The following ADK variants were observed in gnomAD, a reference collection of about 807,000 sequenced individuals.
ADK encodes the protein N6,N6-dimethyladenosine kinase.
Under a neutral mutation model 44.7 loss-of-function variants are expected in ADK, and 24 were observed. The observed-to-expected ratio is 0.54, with a 90% CI of 0.39 to 0.76. ADK has a LOEUF of 0.76. Among genes scored for constraint, ADK ranks in the 30% least tolerant of loss-of-function variants. The probability of loss-of-function intolerance (pLI) is 0.00; values close to 1 mark genes in which losing one functional copy is unlikely to be tolerated. For missense variants in ADK, 321 were observed against 425.1 expected, an observed-to-expected ratio of 0.76 and a Z score of 2.15; for synonymous variants, 128 against 142.6, an observed-to-expected ratio of 0.90 and a Z score of 0.73.
At chr10:74,595,706 G>GAA (rs1851895363) in intron 8 of ADK, among the ~76,000 whole-genome samples, 3 of 118 alleles carry the variant, frequency 0.025, no homozygotes, top group Non-Finnish European at 0.042. Context: ...AAAAAAATAG[G>GAA]CTATATGGCC....
intron 10 of ADK, among the ~76,000 whole-genome samples, chr10:74,690,223 G>C (rs952577893): frequency 6.6e-6 from 1 of 152,158 alleles, no homozygotes; most frequent in African/African-American, 2.4e-5. Flanking sequence ...GGCTGGGTGT[G>C]GTGGCTCACA....
Position 74,682,788 on chromosome 10 carries a change from G to C in ADK, c.964+12519G>C, listed in dbSNP as rs558565925. ...AGGGTTTCATCATATTGGCCAGAATGGTCTCTAACTCCTGACCTCAGATGA... is the reference window on the plus strand; with the variant it reads ...AGGGTTTCATCATATTGGCCAGAATCGTCTCTAACTCCTGACCTCAGATGA... On this transcript the variant is annotated intron_variant, in intron 10 of 10. Coordinates refer to ENST00000539909, the MANE Select transcript of ADK (RefSeq NM_006721.4). 1.1e-3 allele frequency among the ~76,000 whole-genome samples: 162 copies of C among 152,000 alleles called. 3 individuals are homozygous for C. The highest frequency in any genetic ancestry group is 1.0e-2 in the Admixed American group (152 of 15,272).
chr10:74,681,066 G>A (rs1855585639), intron 10 of ADK, among the ~76,000 whole-genome samples: 1 of 151,994 alleles, frequency 6.6e-6, no homozygotes, highest in Admixed American at 6.6e-5. Flanking sequence ...TATGAATTAG[G>A]GCATAAGCAC....
At chr10:74,483,684 GT>G (rs1355825697) in intron 6 of ADK, among the ~76,000 whole-genome samples, 8 of 152,188 alleles carry the variant, frequency 5.3e-5, no homozygotes, top group Admixed American at 4.6e-4. Context: ...CATCTTGAAT[GT>G]TTTGCTGCTT....
chr10:74,239,116 C>A lies in ADK; in HGVS notation c.194+14525C>A, dbSNP rs370254253. On this transcript the variant is annotated intron_variant, in intron 3 of 10. Coordinates refer to ENST00000539909, the MANE Select transcript of ADK (RefSeq NM_006721.4). ...AATCACAGTGGGGACAGTAGTCATA[C>A]TTCTACTTTCTTCTGAATATAATAT... Among the ~76,000 whole-genome samples, 20 of 152,018 alleles carry A rather than the reference C, an allele frequency of 1.3e-4. 1 individual carries two copies. The South Asian group carries it at 2.5e-3, about 19-fold the overall frequency.
intron 7 of ADK, among the ~76,000 whole-genome samples, chr10:74,538,148 A>T (rs1420248437): frequency 1.3e-5 from 2 of 152,020 alleles, no homozygotes; most frequent in Non-Finnish European, 2.9e-5. Context: ...CCAGCTGCTC[A>T]GGAGGCTGAG....
chr10:74,405,242 C>T (rs1283822485), intron 6 of ADK, among the ~76,000 whole-genome samples: 1 of 152,080 alleles, frequency 6.6e-6, no homozygotes, highest in South Asian at 2.1e-4. Context: ...TAAGGGGTCC[C>T]TAATCTCTGG....
rs57193533 is a variant in ADK at position 74,211,073 on chromosome 10, C to T, written c.140+10235C>T. Among the ~76,000 whole-genome samples the T allele has an allele frequency of 7.7e-4, 117 of 152,178 alleles. 5 individuals are homozygous for T. In the East Asian group the frequency reaches 0.018, roughly 23 times the overall value. On this transcript the variant is annotated intron_variant, in intron 2 of 10. Transcript: ENST00000539909. ...CTAATTTTTGTATTTTTAATACAGA[C>T]GGGGTTTCACCATGTTGACCAGGCT...
intron 10 of ADK, among the ~76,000 whole-genome samples, chr10:74,698,572 G>A (rs11001112): frequency 0.1 from 15,585 of 152,016 alleles, 1,321 homozygotes; most frequent in African/African-American, 0.22. Flanking sequence ...TGTTTTGTTT[G>A]AGATAGTGTC....
At chr10:74,706,949 T>G (rs1468088398) in intron 10 of ADK, among the ~76,000 whole-genome samples, 1 of 152,190 alleles carries the variant, frequency 6.6e-6, no homozygotes, top group Non-Finnish European at 1.5e-5. Context: ...CCTACACAAC[T>G]TCTGTCAGAT....
chr10:74,220,692 C>A (rs1844270383), intron 2 of ADK, among the ~76,000 whole-genome samples: 1 of 152,184 alleles, frequency 6.6e-6, no homozygotes, highest in Non-Finnish European at 1.5e-5. Flanking sequence ...GGGCTTCATC[C>A]CTGGATGCAA....
intron 3 of ADK, among the ~76,000 whole-genome samples, chr10:74,291,043 A>G (rs986462042): frequency 6.6e-6 from 1 of 152,196 alleles, no homozygotes; most frequent in Non-Finnish European, 1.5e-5. Context: ...ATGTTTTGTA[A>G]TATATTTTAT....
At chr10:74,478,893 T>G (rs1055764177) in intron 6 of ADK, among the ~76,000 whole-genome samples, 1 of 152,248 alleles carries the variant, frequency 6.6e-6, no homozygotes, top group Non-Finnish European at 1.5e-5. Context: ...TTCCCGTGCC[T>G]TTACTCAGAT....
intron 10 of ADK, among the ~76,000 whole-genome samples, chr10:74,689,272 A>G (rs1855899427): frequency 6.6e-6 from 1 of 151,800 alleles, no homozygotes; most frequent in Non-Finnish European, 1.5e-5. Context: ...AAATAAATAA[A>G]TAATAAAATA....
At chr10:74,682,469 C>G (rs1855640131) in intron 10 of ADK, among the ~76,000 whole-genome samples, 1 of 152,146 alleles carries the variant, frequency 6.6e-6, no homozygotes. Flanking sequence ...GTGTGTTGTG[C>G]TGAACTATCT....
At chr10:74,614,801 T>C (rs901548712) in intron 9 of ADK, among the ~76,000 whole-genome samples, 2 of 152,218 alleles carry the variant, frequency 1.3e-5, no homozygotes, top group South Asian at 4.1e-4. Context: ...GAATGGTTTT[T>C]AGAAACCTGT....
chr10:74,254,615 A>G (rs1488918902), intron 3 of ADK, among the ~76,000 whole-genome samples: 1 of 152,212 alleles, frequency 6.6e-6, no homozygotes, highest in East Asian at 1.9e-4. Flanking sequence ...AGTTAAAAAA[A>G]AAAGAATAGC....
rs564500452 is a variant in ADK at position 74,596,237 on chromosome 10, T to C, written c.763-4142T>C. Among the ~76,000 whole-genome samples, 6 of 152,274 alleles carry C rather than the reference T, an allele frequency of 3.9e-5. No individual in the cohort carries two copies. In the South Asian group the frequency reaches 1.2e-3, roughly 32 times the overall value. ...GTGTATTATCCTTGGAGTCAGACTG[T>C]GGGTGCTAGTCTGTTCTCCACTACT... On this transcript the variant is annotated intron_variant, in intron 8 of 10. Coordinates refer to ENST00000539909, the MANE Select transcript of ADK (RefSeq NM_006721.4).
intron 4 of ADK, among the ~76,000 whole-genome samples, chr10:74,347,684 G>C (rs1197299776): frequency 6.6e-6 from 1 of 152,132 alleles, no homozygotes; most frequent in Non-Finnish European, 1.5e-5. Context: ...CATTCTCACT[G>C]CCAGCACAAC....
Sources: allele counts gnomAD v4.1 joint callset (sites outside exome capture counted in the v4.1 genomes callset), GRCh38; gene constraint gnomAD v4.1.1; transcripts MANE v1.5; gene names NCBI Gene and HGNC (gene_info 2026-07-23, HGNC 2026-07-21).